PTPRT: variants seen among roughly 807,000 people sequenced by gnomAD.
PTPRT encodes the protein receptor-type tyrosine-protein phosphatase T.
PTPRT carries 56 observed loss-of-function variants against 176.8 expected under a neutral mutation model. The ratio of observed to expected loss-of-function variants is 0.32; its 90% confidence interval spans 0.26 to 0.40. The LOEUF is 0.40. Among genes scored for constraint, PTPRT ranks in the 10% least tolerant of loss-of-function variants. PTPRT has a pLI of 1.00. For synonymous variants in PTPRT, 783 were observed against 739.0 expected, an observed-to-expected ratio of 1.06 and a Z score of -0.96; for missense variants, 1,540 against 1,908.2, an observed-to-expected ratio of 0.81 and a Z score of 3.60.
rs751972373 is a variant in PTPRT at position 42,448,230 on chromosome 20, G to C, written c.1550C>G (p.Thr517Arg). The stretch of plus-strand genomic sequence containing the variant: ...AAGGGACCTCCTTACCTCGTAGAGC[G>C]TGATGACCCCATTGGTCTCATTGGG... ...KPPNETNGVI[T>R]LYEINYKAVG... The change falls in exon 9 of 31, where the codon ACG becomes AGG. Residue 517 changes from threonine to arginine, a missense_variant. Physicochemically the swap from Thr to Arg is moderately conservative, Grantham distance 71. Around this residue, in one of 11 missense-constraint regions of PTPRT, gnomAD observed 136 missense variants for 135.0 expected, o/e 1.01. Coordinates refer to ENST00000373187, the MANE Select transcript of PTPRT (RefSeq NM_007050.6). 1 of 1,610,220 alleles carries C rather than the reference G, an allele frequency of 6.2e-7. No homozygotes were observed. The highest frequency in any genetic ancestry group is 1.3e-5 in the African/African-American group (1 of 74,910).
intron 2 of PTPRT, among the ~76,000 whole-genome samples, chr20:42,846,392 G>T (rs2078372566): frequency 6.6e-6 from 1 of 152,162 alleles, no homozygotes; most frequent in Non-Finnish European, 1.5e-5. Flanking sequence ...TAAGGCAAAA[G>T]CTTCCAAAGC....
intron 11 of PTPRT, among the ~76,000 whole-genome samples, chr20:42,346,467 T>G (rs950214500): frequency 6.6e-6 from 1 of 152,162 alleles, no homozygotes; most frequent in African/African-American, 2.4e-5. Flanking sequence ...TTTTAAGCAA[T>G]TCTGGGATTC....
chr20:42,613,716 A>C (rs925675511), intron 7 of PTPRT, among the ~76,000 whole-genome samples: 9 of 152,176 alleles, frequency 5.9e-5, no homozygotes, highest in African/African-American at 2.2e-4. Context: ...TCACAATTAC[A>C]ACTGTCTAAG....
intron 1 of PTPRT, among the ~76,000 whole-genome samples, chr20:42,898,368 T>G (rs1459607118): frequency 1.3e-5 from 2 of 152,096 alleles, no homozygotes; most frequent in African/African-American, 2.4e-5. Context: ...ACCACCAAAC[T>G]TGGCTAATTT....
At chr20:42,876,532 C>T (rs2078934309) in intron 2 of PTPRT, among the ~76,000 whole-genome samples, 1 of 152,080 alleles carries the variant, frequency 6.6e-6, no homozygotes, top group South Asian at 2.1e-4. Flanking sequence ...AGCAGAAGAA[C>T]CCAGACCAAT....
intron 1 of PTPRT, among the ~76,000 whole-genome samples, chr20:43,062,022 C>A (rs714972): frequency 1.3e-5 from 2 of 152,076 alleles, no homozygotes; most frequent in Admixed American, 1.3e-4. Flanking sequence ...TGCATGTTTC[C>A]ATTTCTAGAA....
intron 7 of PTPRT, among the ~76,000 whole-genome samples, chr20:42,480,157 T>C (rs112549849): frequency 0.016 from 2,491 of 152,334 alleles, 28 homozygotes; most frequent in South Asian, 0.028. Context: ...GGTTCTGTGA[T>C]CACCTGAACC....
At chr20:43,129,482 C>T (rs2013569487) in intron 1 of PTPRT, among the ~76,000 whole-genome samples, 2 of 152,248 alleles carry the variant, frequency 1.3e-5, no homozygotes, top group South Asian at 4.1e-4. Context: ...AATTTTTATA[C>T]TCTGATGAAA....
chr20:42,954,591 A>G (rs942880344), intron 1 of PTPRT, among the ~76,000 whole-genome samples: 3 of 151,504 alleles, frequency 2.0e-5, no homozygotes, highest in Non-Finnish European at 4.4e-5. Flanking sequence ...GAAGATGCTC[A>G]GTCAACGTGC....
At chr20:42,431,298 G>C (rs1242804855) in intron 9 of PTPRT, among the ~76,000 whole-genome samples, 1 of 152,082 alleles carries the variant, frequency 6.6e-6, no homozygotes, top group Non-Finnish European at 1.5e-5. Context: ...AGATCTGAAG[G>C]TCATGTTCTT....
chr20:42,959,212 G>A (rs1381356535), intron 1 of PTPRT, among the ~76,000 whole-genome samples: 1 of 152,106 alleles, frequency 6.6e-6, no homozygotes, highest in African/African-American at 2.4e-5. Context: ...CTACCTCATA[G>A]GGTTCTTATG....
chr20:42,266,976 T>A (rs1034808833), intron 13 of PTPRT, among the ~76,000 whole-genome samples: 1 of 152,192 alleles, frequency 6.6e-6, no homozygotes, highest in Non-Finnish European at 1.5e-5. Flanking sequence ...ATGTAAAATA[T>A]CTTTCATCTG....
chr20:42,768,677 C>CT (rs1278701221), intron 5 of PTPRT, among the ~76,000 whole-genome samples: 1 of 152,166 alleles, frequency 6.6e-6, no homozygotes, highest in Non-Finnish European at 1.5e-5. Flanking sequence ...TGTGTATTTT[C>CT]TCCTTCTATC....
chr20:42,479,444 A>G (rs1037507159), intron 7 of PTPRT, among the ~76,000 whole-genome samples: 2 of 152,228 alleles, frequency 1.3e-5, no homozygotes, highest in African/African-American at 4.8e-5. Flanking sequence ...AAGAGCAGAA[A>G]TATGTTGACA....
intron 1 of PTPRT, among the ~76,000 whole-genome samples, chr20:43,163,642 A>G (rs2014772474): frequency 7.0e-6 from 1 of 143,812 alleles, no homozygotes; most frequent in African/African-American, 2.5e-5. Flanking sequence ...CTTCTCAAAA[A>G]CAAAACAAAA....
intron 12 of PTPRT, among the ~76,000 whole-genome samples, chr20:42,282,829 ATC>A (rs910140515): frequency 1.8e-4 from 27 of 152,112 alleles, no homozygotes; most frequent in Non-Finnish European, 2.2e-4. Flanking sequence ...AGCACTCATC[ATC>A]TTTAACAATA....
At chr20:42,139,511 C>T (rs1207165511) in intron 18 of PTPRT, among the ~76,000 whole-genome samples, 3 of 152,178 alleles carry the variant, frequency 2.0e-5, no homozygotes, top group Admixed American at 2.0e-4. Flanking sequence ...ATTCTCATCC[C>T]TGTGGGAACT....
chr20:43,116,485 T>C (rs962547004), intron 1 of PTPRT, among the ~76,000 whole-genome samples: 2 of 152,208 alleles, frequency 1.3e-5, no homozygotes, highest in African/African-American at 4.8e-5. Flanking sequence ...TTATCAGACA[T>C]ACCTTTGTGA....
At chr20:42,862,237 C>T (rs2078675337) in intron 2 of PTPRT, among the ~76,000 whole-genome samples, 1 of 152,176 alleles carries the variant, frequency 6.6e-6, no homozygotes, top group Non-Finnish European at 1.5e-5. Flanking sequence ...ACATGGTGCA[C>T]ATCAGGCCTG....
Sources: allele counts gnomAD v4.1 joint callset (sites outside exome capture counted in the v4.1 genomes callset), GRCh38; gene constraint gnomAD v4.1.1; regional missense constraint gnomAD v4.1.1; transcripts MANE v1.5; gene names NCBI Gene and HGNC (gene_info 2026-07-23, HGNC 2026-07-21).